The following ENTREP2 variants were observed in gnomAD, a reference collection of about 807,000 sequenced individuals.
ENTREP2 encodes protein ENTREP2.
the ENTREP2 span, among the ~76,000 whole-genome samples, chr15:29,251,731 G>A: frequency 2.5e-4 from 26 of 104,432 alleles, no homozygotes; most frequent in African/African-American, 8.8e-4. Context: ...AACATTATGA[G>A]TTTTTTTTGT....
At chr15:29,209,993 AATGCTTTTTACTTTCTGCATTTTAAG>A in the ENTREP2 span, among the ~76,000 whole-genome samples, 1 of 152,212 alleles carries the variant, frequency 6.6e-6, no homozygotes, top group Admixed American at 6.5e-5. Flanking sequence ...GGTTTTGTAT[AATGCTTTTTACTTTCTGCATTTTAAG>A]ATGCTTTGAC....
the ENTREP2 span, among the ~76,000 whole-genome samples, chr15:29,404,491 C>G: frequency 6.6e-6 from 1 of 152,004 alleles, no homozygotes; most frequent in Non-Finnish European, 1.5e-5. Flanking sequence ...CAGCACCCAG[C>G]AGGCTGACAC....
chr15:29,459,563 G>A, the ENTREP2 span, among the ~76,000 whole-genome samples: 3 of 152,108 alleles, frequency 2.0e-5, no homozygotes, highest in South Asian at 2.1e-4. Context: ...AAAGATTATC[G>A]CCAACAGCCA....
At chr15:29,652,222 G>T in the ENTREP2 span, among the ~76,000 whole-genome samples, 1 of 152,158 alleles carries the variant, frequency 6.6e-6, no homozygotes, top group Non-Finnish European at 1.5e-5. Flanking sequence ...GGAAATGACA[G>T]GACAACCTGC....
the ENTREP2 span, chr15:29,252,453 G>A: frequency 1.9e-5 from 30 of 1,548,154 alleles, no homozygotes; most frequent in South Asian, 4.8e-5. Context: ...TACACACACT[G>A]CAGAAAGCAG....
chr15:29,233,695 C>T, the ENTREP2 span: 94 of 1,196,334 alleles, frequency 7.9e-5, no homozygotes, highest in Non-Finnish European at 1.1e-4. Context: ...TCCTGTTGCA[C>T]GCACTCTGTT....
chr15:29,618,669 ATT>A, the ENTREP2 span, among the ~76,000 whole-genome samples: 3 of 152,214 alleles, frequency 2.0e-5, no homozygotes, highest in Non-Finnish European at 2.9e-5. Context: ...GATCAATATC[ATT>A]CTTCTCTGAA....
At chr15:29,441,861 ACCG>A in the ENTREP2 span, among the ~76,000 whole-genome samples, 1 of 151,536 alleles carries the variant, frequency 6.6e-6, no homozygotes, top group Non-Finnish European at 1.5e-5. Flanking sequence ...TTCATAGCTC[ACCG>A]CCATCTCTGT....
At chr15:29,495,846 G>T in the ENTREP2 span, among the ~76,000 whole-genome samples, 1 of 152,018 alleles carries the variant, frequency 6.6e-6, no homozygotes, top group African/African-American at 2.4e-5. Context: ...GAGATGTGAT[G>T]ACTTCAGTTT....
the ENTREP2 span, among the ~76,000 whole-genome samples, chr15:29,451,275 C>T: frequency 2.0e-5 from 3 of 151,874 alleles, no homozygotes; most frequent in Non-Finnish European, 4.4e-5. Flanking sequence ...GCTCTCTGGC[C>T]GGCCCTCGGC....
At chr15:29,407,172 C>G in the ENTREP2 span, among the ~76,000 whole-genome samples, 1 of 152,182 alleles carries the variant, frequency 6.6e-6, no homozygotes, top group Non-Finnish European at 1.5e-5. Context: ...CTGTATGGTA[C>G]GGCCTACTGC....
At chr15:29,651,047 T>A in the ENTREP2 span, among the ~76,000 whole-genome samples, 1 of 152,120 alleles carries the variant, frequency 6.6e-6, no homozygotes, top group Non-Finnish European at 1.5e-5. Flanking sequence ...ACTGGTTAAG[T>A]TATCTGAAGC....
At chr15:29,488,279 A>G in the ENTREP2 span, among the ~76,000 whole-genome samples, 31 of 152,208 alleles carry the variant, frequency 2.0e-4, no homozygotes, top group Non-Finnish European at 7.3e-5. Context: ...CACCAACTGA[A>G]TTTTTTTAAA....
the ENTREP2 span, among the ~76,000 whole-genome samples, chr15:29,139,920 G>A: frequency 6.6e-5 from 10 of 152,316 alleles, no homozygotes; most frequent in Admixed American, 5.2e-4. Context: ...TGCAGGCTGG[G>A]GCTGGAGGTC....
the ENTREP2 span, among the ~76,000 whole-genome samples, chr15:29,648,784 A>G: frequency 1.3e-5 from 2 of 152,000 alleles, no homozygotes; most frequent in Non-Finnish European, 2.9e-5. Flanking sequence ...CTAAAAATAC[A>G]AAAAATTATC....
At chr15:29,433,631 A>C in the ENTREP2 span, among the ~76,000 whole-genome samples, 2 of 152,066 alleles carry the variant, frequency 1.3e-5, no homozygotes, top group Non-Finnish European at 2.9e-5. Flanking sequence ...GAATCCCCAT[A>C]ATAGGCTTCA....
the ENTREP2 span, among the ~76,000 whole-genome samples, chr15:29,672,385 A>G: frequency 1.3e-5 from 2 of 152,170 alleles, no homozygotes; most frequent in African/African-American, 4.8e-5. Context: ...CAGTTGTCCA[A>G]TTTTCAAATG....
the ENTREP2 span, among the ~76,000 whole-genome samples, chr15:29,617,138 A>G: frequency 7.9e-5 from 12 of 152,196 alleles, no homozygotes; most frequent in Middle Eastern, 3.2e-3. Context: ...GAGGCTGGGA[A>G]GTCCCACGGC....
chr15:29,397,084 C>G, the ENTREP2 span, among the ~76,000 whole-genome samples: 1 of 152,092 alleles, frequency 6.6e-6, no homozygotes, highest in Non-Finnish European at 1.5e-5. Flanking sequence ...GGCAACTGCT[C>G]CTCAAAAAAA....
Sources: gnomAD v4.1 joint callset for allele counts (sites outside exome capture counted in the v4.1 genomes callset) on GRCh38, gnomAD v4.1.1 for gene constraint, MANE v1.5 for transcripts, NCBI Gene and HGNC (gene_info 2026-07-23, HGNC 2026-07-21) for gene names.